Variants in GRIN2A observed in about 807,000 individuals in gnomAD.
GRIN2A encodes glutamate receptor ionotropic, NMDA 2A.
In GRIN2A, 22 loss-of-function variants were observed where a neutral mutation model predicts 113.4. That is an observed-to-expected ratio of 0.19 (90% CI 0.14 to 0.28). The LOEUF is 0.28. Ranked by LOEUF, GRIN2A falls within the 10% of genes least tolerant of loss-of-function variation. GRIN2A has a pLI of 1.00. For missense variants in GRIN2A, 1,502 were observed against 1,887.0 expected (o/e 0.80, Z 3.78); for synonymous variants, 827 against 738.4 (o/e 1.12, Z -1.94).
intron 2 of GRIN2A, among the ~76,000 whole-genome samples, chr16:10,126,690 T>A (rs1281692700): frequency 6.6e-6 from 1 of 152,220 alleles, no homozygotes; most frequent in Non-Finnish European, 1.5e-5. Flanking sequence ...TACCATTTGT[T>A]GGTTTCTGTT....
chr16:9,822,703 A>C (rs1334544420), intron 9 of GRIN2A, among the ~76,000 whole-genome samples: 1 of 152,128 alleles, frequency 6.6e-6, no homozygotes, highest in Admixed American at 6.5e-5. Flanking sequence ...TGGGTGCTCC[A>C]TAGGTATTTG....
At chr16:10,010,454 C>T (rs2046484673) in intron 2 of GRIN2A, among the ~76,000 whole-genome samples, 1 of 152,114 alleles carries the variant, frequency 6.6e-6, no homozygotes. Context: ...TGCACATGAA[C>T]CCTCGAACTT....
chr16:9,890,057 C>T (rs2043663937), intron 4 of GRIN2A, among the ~76,000 whole-genome samples: 1 of 152,176 alleles, frequency 6.6e-6, no homozygotes. Context: ...CAGTCAATTA[C>T]ATTATGTCTC....
At chr16:9,968,063 G>C (rs1381186415) in intron 2 of GRIN2A, among the ~76,000 whole-genome samples, 1 of 152,094 alleles carries the variant, frequency 6.6e-6, no homozygotes, top group Non-Finnish European at 1.5e-5. Flanking sequence ...ACAACCCAGT[G>C]GGTAGGCGTT....
chr16:10,138,506 A>C lies in GRIN2A; in HGVS notation c.414+41492T>G, dbSNP rs141751209. ...CTTTTAAACCATCAGATCTCGTGAGAACTCGCTTACTATCACGAGAACAGC... is the reference window on the plus strand; with the variant it reads ...CTTTTAAACCATCAGATCTCGTGAGCACTCGCTTACTATCACGAGAACAGC... On this transcript the variant is annotated intron_variant, in intron 2 of 12. Transcript: ENST00000330684. Among the ~76,000 whole-genome samples the C allele has an allele frequency of 1.4e-3, 220 of 152,250 alleles. 1 individual carries two copies. The highest frequency in any genetic ancestry group is 5.2e-3 in the African/African-American group (214 of 41,536).
At chr16:9,854,276 C>A (rs11864293) in intron 4 of GRIN2A, among the ~76,000 whole-genome samples, 238 of 152,158 alleles carry the variant, frequency 1.6e-3, no homozygotes, top group African/African-American at 5.4e-3. Flanking sequence ...CTTGCTCTTA[C>A]TGCAACTTCA....
intron 2 of GRIN2A, among the ~76,000 whole-genome samples, chr16:9,962,709 C>T (rs2045466913): frequency 6.6e-6 from 1 of 152,068 alleles, no homozygotes; most frequent in African/African-American, 2.4e-5. Context: ...GTGTGGAAAT[C>T]GGTAGATTGC....
rs1483174642 is a variant in GRIN2A at position 10,180,181 on chromosome 16, G to T, written c.231C>A (p.Thr77=). The T allele has an allele frequency of 6.2e-7, 1 of 1,614,172 alleles. No individual in the cohort carries two copies. Among genetic ancestry groups the T allele is most frequent in the South Asian group, 1.1e-5 (1 of 91,090 alleles). Residue 77 remains threonine, a synonymous_variant, in exon 2 of 13, where the codon ACC becomes ACA. Transcript: ENST00000330684. The surrounding 1 kb of genome is among the most constrained non-coding windows in gnomAD (Gnocchi z 7.0). ...CGTGCGTGATGAGGCTCTTGGGGTC[G>T]GTGCGGTTCATCAGCAGAGCTACCA... ...VNVVALLMNR[T]DPKSLITHVC...
chr16:10,051,621 C>T (rs575817031), intron 2 of GRIN2A, among the ~76,000 whole-genome samples: 2 of 152,224 alleles, frequency 1.3e-5, no homozygotes, highest in African/African-American at 2.4e-5. Flanking sequence ...CTGGACCATT[C>T]GAATTGAATA....
At chr16:10,126,647 A>T (rs544618108) in intron 2 of GRIN2A, among the ~76,000 whole-genome samples, 1 of 152,284 alleles carries the variant, frequency 6.6e-6, no homozygotes, top group South Asian at 2.1e-4. Flanking sequence ...TAAAGATAGT[A>T]ACCCTTTGGC....
intron 5 of GRIN2A, among the ~76,000 whole-genome samples, chr16:9,846,131 C>CAATTATGAATCATGATG (rs1241259081): frequency 5.9e-5 from 9 of 152,138 alleles, no homozygotes; most frequent in Admixed American, 2.6e-4. Context: ...CTGTTTCACA[C>CAATTATGAATCATGATG]AATTATGAAT....
chr16:10,162,528 C>G (rs2049826200), intron 2 of GRIN2A, among the ~76,000 whole-genome samples: 1 of 152,210 alleles, frequency 6.6e-6, no homozygotes, highest in Non-Finnish European at 1.5e-5. Flanking sequence ...TGAAAACTGT[C>G]TCCTTGGCAT....
chr16:10,078,850 CTGACTGACTG>C lies in GRIN2A; in HGVS notation c.414+101138_414+101147del, dbSNP rs1567282982. Among the ~76,000 whole-genome samples, 403 of 152,310 alleles carry C rather than the reference CTGACTGACTG, an allele frequency of 2.6e-3. 2 individuals are homozygous for C. The highest frequency in any genetic ancestry group is 9.2e-3 in the African/African-American group (384 of 41,558). On this transcript the variant is annotated intron_variant, in intron 2 of 12. Coordinates refer to ENST00000330684, the MANE Select transcript of GRIN2A (RefSeq NM_001134407.3). Reference sequence around the variant, plus strand: ...TGGCAGATCCCGGAAAGGGAGCATGCTGACTGACTGGCTGACTGACTGCCTGCCACATCAC... The same window carrying C: ...TGGCAGATCCCGGAAAGGGAGCATGCGCTGACTGACTGCCTGCCACATCAC...
intron 4 of GRIN2A, among the ~76,000 whole-genome samples, chr16:9,851,546 T>C (rs554047387): frequency 1.5e-4 from 23 of 152,350 alleles, no homozygotes; most frequent in Non-Finnish European, 2.4e-4. Flanking sequence ...TACTGAAATA[T>C]GCAAATAGAT....
At chr16:10,179,810 G>C (rs1398137846) in intron 2 of GRIN2A, 188 bp downstream of exon 2, 6 of 640,700 alleles carry the variant, frequency 9.4e-6, no homozygotes, top group Non-Finnish European at 1.4e-5. Context: ...AAGGCAAAAG[G>C]CATTTCCATT....
intron 5 of GRIN2A, among the ~76,000 whole-genome samples, chr16:9,846,750 C>T (rs905848668): frequency 2.6e-5 from 4 of 152,104 alleles, no homozygotes; most frequent in African/African-American, 4.8e-5. Flanking sequence ...AGCTTGGGGA[C>T]GCAGGAGCTA....
chr16:9,915,372 C>T (rs562246601), intron 3 of GRIN2A, among the ~76,000 whole-genome samples: 7 of 151,662 alleles, frequency 4.6e-5, no homozygotes, highest in African/African-American at 7.3e-5. Context: ...ATAATAGCCA[C>T]CTTCCTTAAG....
At chr16:9,783,740 T>C (rs957161183) in intron 11 of GRIN2A, among the ~76,000 whole-genome samples, 3 of 152,206 alleles carry the variant, frequency 2.0e-5, no homozygotes, top group Non-Finnish European at 4.4e-5. Flanking sequence ...GCAACTGATA[T>C]GTGTACTCAA....
chr16:9,956,628 G>C (rs1273377571), intron 2 of GRIN2A, among the ~76,000 whole-genome samples: 1 of 152,192 alleles, frequency 6.6e-6, no homozygotes, highest in Non-Finnish European at 1.5e-5. Context: ...TGCGCTCAAA[G>C]AGCTTATGAT....
Sources: allele counts gnomAD v4.1 joint callset (sites outside exome capture counted in the v4.1 genomes callset), GRCh38; gene constraint gnomAD v4.1.1; non-coding constraint Gnocchi (gnomAD v3.1); transcripts MANE v1.5; gene names NCBI Gene and HGNC (gene_info 2026-07-23, HGNC 2026-07-21).